Variants in GALNT13 observed in about 807,000 individuals in gnomAD.
The protein encoded by GALNT13 is polypeptide N-acetylgalactosaminyltransferase 13.
Under a neutral mutation model 64.2 loss-of-function variants are expected in GALNT13, and 28 were observed. That is an observed-to-expected ratio of 0.44 (90% CI 0.32 to 0.60). The LOEUF is 0.60. Among genes scored for constraint, GALNT13 ranks in the 20% least tolerant of loss-of-function variants. The pLI is 0.05. For synonymous variants in GALNT13, 214 were observed against 224.6 expected, an observed-to-expected ratio of 0.95 and a Z score of 0.42; for missense variants, 577 against 669.8, an observed-to-expected ratio of 0.86 and a Z score of 1.53.
At chr2:154,107,300 A>G (rs1702673495) in intron 3 of GALNT13, among the ~76,000 whole-genome samples, 1 of 152,208 alleles carries the variant, frequency 6.6e-6, no homozygotes, top group South Asian at 2.1e-4. Context: ...TTGTTATGTT[A>G]AAAAATTGAA....
intron 12 of GALNT13, among the ~76,000 whole-genome samples, chr2:154,442,774 G>C (rs1181118327): frequency 1.3e-5 from 2 of 151,952 alleles, no homozygotes; most frequent in Admixed American, 6.6e-5. Context: ...TACATACAGT[G>C]TGAGAATCTA....
chr2:153,323,275 T>C, the GALNT13 span, among the ~76,000 whole-genome samples: 1,373 of 152,318 alleles, frequency 9.0e-3, 26 homozygotes, highest in East Asian at 0.084. Context: ...TTCATGTTTT[T>C]TGGCCTCATA....
At chr2:154,040,506 A>G (rs1041969922) in intron 3 of GALNT13, among the ~76,000 whole-genome samples, 5 of 140,784 alleles carry the variant, frequency 3.6e-5, no homozygotes, top group South Asian at 2.2e-4. Flanking sequence ...GATTATGGAT[A>G]GGTTTTTAAC....
chr2:154,115,956 T>C (rs1029330072), intron 3 of GALNT13, among the ~76,000 whole-genome samples: 1 of 152,178 alleles, frequency 6.6e-6, no homozygotes, highest in Non-Finnish European at 1.5e-5. Context: ...CTCTGAACCT[T>C]ACCTCTAGGA....
chr2:154,064,344 C>T (rs1305375328), intron 3 of GALNT13, among the ~76,000 whole-genome samples: 1 of 152,122 alleles, frequency 6.6e-6, no homozygotes, highest in Non-Finnish European at 1.5e-5. Context: ...TAGTTCTGTT[C>T]TGGGCCGAGA....
At chr2:153,260,682 TG>T in the GALNT13 span, among the ~76,000 whole-genome samples, 1 of 152,192 alleles carries the variant, frequency 6.6e-6, no homozygotes, top group Non-Finnish European at 1.5e-5. Flanking sequence ...TAGTCTTCTT[TG>T]GGTTGAATGT....
chr2:153,689,488 G>C, the GALNT13 span, among the ~76,000 whole-genome samples: 4 of 151,858 alleles, frequency 2.6e-5, no homozygotes, highest in East Asian at 1.9e-4. Flanking sequence ...AATAAATCCC[G>C]TTTAATAAGT....
the GALNT13 span, among the ~76,000 whole-genome samples, chr2:153,637,760 T>A: frequency 6.6e-6 from 1 of 152,172 alleles, no homozygotes; most frequent in African/African-American, 2.4e-5. Context: ...TAGTAGCTAT[T>A]GATAAAAATA....
At chr2:153,858,764 G>A in the GALNT13 span, among the ~76,000 whole-genome samples, 6 of 151,658 alleles carry the variant, frequency 4.0e-5, no homozygotes, top group Non-Finnish European at 7.4e-5. Flanking sequence ...ACACAGCCTC[G>A]CTTTGTTGCC....
At chr2:154,125,325 C>A (rs1249096656) in intron 3 of GALNT13, among the ~76,000 whole-genome samples, 1 of 152,002 alleles carries the variant, frequency 6.6e-6, no homozygotes, top group African/African-American at 2.4e-5. Flanking sequence ...AATATTTAGG[C>A]TAAGATGCAA....
At chr2:153,957,253 G>C (rs1326823238) in intron 3 of GALNT13, among the ~76,000 whole-genome samples, 4 of 152,230 alleles carry the variant, frequency 2.6e-5, no homozygotes, top group East Asian at 3.9e-4. Flanking sequence ...TGCCTCAATA[G>C]GTTTGAAAAC....
the GALNT13 span, among the ~76,000 whole-genome samples, chr2:153,311,662 G>A: frequency 6.6e-6 from 1 of 152,172 alleles, no homozygotes; most frequent in Non-Finnish European, 1.5e-5. Flanking sequence ...ACTCATAGCC[G>A]CCTCCACAGG....
the GALNT13 span, among the ~76,000 whole-genome samples, chr2:153,696,984 A>G: frequency 6.6e-6 from 1 of 152,190 alleles, no homozygotes; most frequent in Non-Finnish European, 1.5e-5. Context: ...AGTCAAAGCC[A>G]TTTTCTAAAA....
the GALNT13 span, among the ~76,000 whole-genome samples, chr2:153,644,594 C>A: frequency 1.3e-5 from 2 of 151,926 alleles, no homozygotes; most frequent in Non-Finnish European, 2.9e-5. Flanking sequence ...CTTGTCCTGG[C>A]CCCTACTCTA....
intron 8 of GALNT13, among the ~76,000 whole-genome samples, chr2:154,291,948 T>C (rs1363546621): frequency 6.6e-6 from 1 of 152,228 alleles, no homozygotes; most frequent in African/African-American, 2.4e-5. Context: ...AGCATGGTGA[T>C]TGAAGAGCCG....
chr2:153,403,684 T>C, the GALNT13 span, among the ~76,000 whole-genome samples: 7 of 152,310 alleles, frequency 4.6e-5, no homozygotes, highest in East Asian at 9.7e-4. Flanking sequence ...GGGAGTGACC[T>C]GATTTTCCAG....
chr2:153,608,239 C>T, the GALNT13 span, among the ~76,000 whole-genome samples: 1 of 152,248 alleles, frequency 6.6e-6, no homozygotes, highest in Non-Finnish European at 1.5e-5. Flanking sequence ...AAGCTTATAT[C>T]TGATACGATA....
intron 3 of GALNT13, among the ~76,000 whole-genome samples, chr2:154,014,202 C>G (rs1213540973): frequency 6.6e-6 from 1 of 152,174 alleles, no homozygotes. Context: ...CAGCCATTCC[C>G]CCGACAAACC....
the GALNT13 span, among the ~76,000 whole-genome samples, chr2:153,457,268 C>T: frequency 6.6e-6 from 1 of 152,124 alleles, no homozygotes; most frequent in Non-Finnish European, 1.5e-5. Context: ...TAGGTAAATA[C>T]TTTTAAAATC....
Sources: gnomAD v4.1 joint callset for allele counts (sites outside exome capture counted in the v4.1 genomes callset) on GRCh38, gnomAD v4.1.1 for gene constraint, MANE v1.5 for transcripts, NCBI Gene and HGNC (gene_info 2026-07-23, HGNC 2026-07-21) for gene names.